The following ZPBP variants were observed in gnomAD, a reference collection of about 807,000 sequenced individuals.
The protein encoded by ZPBP is zona pellucida binding protein, also known as zona pellucida-binding protein 1.
In ZPBP, 26 loss-of-function variants were observed where a neutral mutation model predicts 44.8. The ratio of observed to expected loss-of-function variants is 0.58; its 90% CI spans 0.43 to 0.81. ZPBP has a LOEUF of 0.81. Ranked by LOEUF, ZPBP falls within the 30% of genes least tolerant of loss-of-function variation. ZPBP has a pLI of 0.00. For missense variants in ZPBP, 409 were observed against 434.0 expected (o/e 0.94, Z 0.51); for synonymous variants, 174 against 153.2 (o/e 1.14, Z -1.00).
At chr7:49,847,718 G>C (rs796252862), downstream of ZPBP, among the ~76,000 whole-genome samples, 3 of 152,136 alleles carry the variant, frequency 2.0e-5, no homozygotes, top group African/African-American at 7.2e-5. Context: ...GGGGTGAGGC[G>C]GGCTTAGGAT....
chr7:49,902,280 G>C (rs1792795445), intron 1 of ZPBP, among the ~76,000 whole-genome samples: 1 of 151,734 alleles, frequency 6.6e-6, no homozygotes, highest in African/African-American at 2.4e-5. Context: ...ATTTGCAAAA[G>C]ACATAAAAAA....
At chr7:49,956,693 A>G (rs1911766) in intron 7 of ZPBP, among the ~76,000 whole-genome samples, 113,767 of 151,986 alleles carry the variant, frequency 0.75, 42,825 homozygotes, top group East Asian at 0.89. Flanking sequence ...GATTTAATAT[A>G]GTAAAATTAT....
At chr7:50,026,008 T>C (rs1203825188) in intron 5 of ZPBP, among the ~76,000 whole-genome samples, 4 of 151,504 alleles carry the variant, frequency 2.6e-5, no homozygotes, top group Non-Finnish European at 4.4e-5. Context: ...AACAGAAAAA[T>C]AGGTTAAAAG....
chr7:50,002,834 G>A (rs1798154636), intron 6 of ZPBP, among the ~76,000 whole-genome samples: 2 of 152,056 alleles, frequency 1.3e-5, no homozygotes, highest in African/African-American at 4.8e-5. Context: ...ACAAAGCTCA[G>A]GAACATTTAT....
At chr7:49,974,911 T>A (rs1186002526) in intron 7 of ZPBP, among the ~76,000 whole-genome samples, 1 of 3,682 alleles carries the variant, frequency 2.7e-4, no homozygotes, top group East Asian at 6.1e-3. Flanking sequence ...GAAGAACTGC[T>A]GCCATGCCAA....
intron 3 of ZPBP, among the ~76,000 whole-genome samples, chr7:50,066,325 G>T (rs1801501646): frequency 1.3e-5 from 2 of 150,010 alleles, no homozygotes; most frequent in South Asian, 4.2e-4. Context: ...AGAGCTTAGG[G>T]TCATAACATA....
intron 2 of ZPBP, among the ~76,000 whole-genome samples, chr7:49,851,984 G>C (rs1790198744): frequency 6.6e-6 from 1 of 152,204 alleles, no homozygotes; most frequent in South Asian, 2.1e-4. Flanking sequence ...AGTGAAGATG[G>C]CATCCTCATC....
intron 2 of ZPBP, among the ~76,000 whole-genome samples, chr7:49,871,150 T>A (rs117352687): frequency 0.012 from 1,751 of 152,258 alleles, 15 homozygotes; most frequent in Non-Finnish European, 0.018. Context: ...GAATAAGATA[T>A]CAATTTATAG....
chr7:49,976,792 T>G (rs1180263451), intron 7 of ZPBP, among the ~76,000 whole-genome samples: 1 of 152,118 alleles, frequency 6.6e-6, no homozygotes, highest in East Asian at 1.9e-4. Flanking sequence ...CCAAATTACA[T>G]GGACTGCTTT....
At chr7:49,944,184 CA>C (rs1458908608) in intron 7 of ZPBP, 1 of 333,934 alleles carries the variant, frequency 3.0e-6, no homozygotes, top group Non-Finnish European at 5.8e-6. Context: ...TGCTTAATCA[CA>C]TGTGCATTTT....
At chr7:50,027,957 G>A (rs1426014261) in intron 5 of ZPBP, among the ~76,000 whole-genome samples, 4 of 151,756 alleles carry the variant, frequency 2.6e-5, no homozygotes, top group East Asian at 3.9e-4. Context: ...GAACCCAAAG[G>A]CCTCAGTGAT....
chr7:50,059,367 C>T (rs1447528582), intron 3 of ZPBP, among the ~76,000 whole-genome samples: 1 of 152,014 alleles, frequency 6.6e-6, no homozygotes, highest in Non-Finnish European at 1.5e-5. Flanking sequence ...ATGAATATAC[C>T]CACCCTCAAA....
At chr7:49,843,692 C>A in the ZPBP span, among the ~76,000 whole-genome samples, 2 of 152,154 alleles carry the variant, frequency 1.3e-5, no homozygotes, top group Non-Finnish European at 2.9e-5. Flanking sequence ...TGGGGAGCAG[C>A]AACAGCTGAG....
chr7:49,892,719 G>T (rs756790802), intron 2 of ZPBP, among the ~76,000 whole-genome samples: 2 of 152,170 alleles, frequency 1.3e-5, no homozygotes, highest in African/African-American at 2.4e-5. Context: ...TCTCAGTTCT[G>T]CATATTGTGT....
At chr7:49,949,746 C>T (rs1232603782) in intron 7 of ZPBP, among the ~76,000 whole-genome samples, 1 of 151,848 alleles carries the variant, frequency 6.6e-6, no homozygotes, top group Non-Finnish European at 1.5e-5. Flanking sequence ...GTTAATGCCA[C>T]TGTGTATTTA....
intron 4 of ZPBP, among the ~76,000 whole-genome samples, chr7:50,053,278 C>A (rs1015022585): frequency 1.1e-3 from 166 of 152,274 alleles, no homozygotes; most frequent in African/African-American, 3.9e-3. Context: ...AAAAAACAGA[C>A]CTAAGGTTTA....
At chr7:50,030,349 A>G (rs951138648) in intron 5 of ZPBP, among the ~76,000 whole-genome samples, 1 of 152,008 alleles carries the variant, frequency 6.6e-6, no homozygotes, top group African/African-American at 2.4e-5. Context: ...AAGACAGAAA[A>G]TGAGGCTGAA....
chr7:49,874,941 G>A (rs1260738052), intron 2 of ZPBP, among the ~76,000 whole-genome samples: 2 of 152,086 alleles, frequency 1.3e-5, no homozygotes, highest in African/African-American at 2.4e-5. Flanking sequence ...ACCCACATAA[G>A]TCAGTTTTAA....
At chr7:49,917,172 C>T (rs1478925554) in intron 1 of ZPBP, 1 of 152,040 alleles carries the variant, frequency 6.6e-6, no homozygotes, top group Non-Finnish European at 1.5e-5. Flanking sequence ...TGAGCTGAGT[C>T]ATTTGTACAG....
Sources: allele counts gnomAD v4.1 joint callset (sites outside exome capture counted in the v4.1 genomes callset), GRCh38; gene constraint gnomAD v4.1.1; transcripts MANE v1.5; gene names NCBI Gene and HGNC (gene_info 2026-07-23, HGNC 2026-07-21).